HNF1B: variants seen among roughly 807,000 people sequenced by gnomAD.
The protein encoded by HNF1B is HNF1 homeobox B, also known as hepatocyte nuclear factor 1-beta.
Under a neutral mutation model 61.7 loss-of-function variants are expected in HNF1B, and 8 were observed. That is an observed-to-expected ratio of 0.13 (90% confidence interval 0.08 to 0.23). The LOEUF (loss-of-function observed/expected upper bound fraction) is 0.23, where lower values mean the gene tolerates loss of function less well. Among genes scored for constraint, HNF1B ranks in the 10% least tolerant of loss-of-function variants. The pLI, the probability that HNF1B is intolerant of heterozygous loss-of-function variation, is 1.00. For missense variants in HNF1B, 562 were observed against 714.5 expected (o/e 0.79, Z 2.43); for synonymous variants, 314 against 287.7 (o/e 1.09, Z -0.93).
intron 4 of HNF1B, chr17:37,720,706 G>T: frequency 1.3e-6 from 1 of 798,112 alleles, no homozygotes; most frequent in Non-Finnish European, 1.5e-6. Context: ...CAGGGCTATG[G>T]GCTGGAGACA....
At chr17:37,711,240 G>A (rs1006890095) in intron 4 of HNF1B, among the ~76,000 whole-genome samples, 4 of 152,292 alleles carry the variant, frequency 2.6e-5, no homozygotes, top group South Asian at 4.1e-4. Flanking sequence ...TCAGGGGCAC[G>A]GACACAGGCA....
At chr17:37,727,998 G>GT (rs911665665) in intron 4 of HNF1B, among the ~76,000 whole-genome samples, 117 of 148,460 alleles carry the variant, frequency 7.9e-4, no homozygotes, top group African/African-American at 1.3e-3. Context: ...TTTTTTTGTT[G>GT]TTTTTTTTTT....
intron 8 of HNF1B, among the ~76,000 whole-genome samples, chr17:37,691,520 C>T (rs2032203723): frequency 1.3e-5 from 2 of 152,154 alleles, no homozygotes; most frequent in African/African-American, 4.8e-5. Context: ...AAACTCAGAG[C>T]CGCTCAGGGG....
At chr17:37,719,273 G>C (rs771668799) in intron 4 of HNF1B, among the ~76,000 whole-genome samples, 11 of 152,016 alleles carry the variant, frequency 7.2e-5, no homozygotes, top group Non-Finnish European at 1.5e-4. Flanking sequence ...TTTTTAAGGA[G>C]GAAGAAAGAG....
At position 37,744,843 on chromosome 17, in the gene HNF1B, G is replaced by C; in HGVS notation, c.42C>G (p.Ser14Arg). 6.2e-7 allele frequency: 1 copy of C among 1,612,342 alleles called. No homozygotes were observed. Among genetic ancestry groups the C allele is most frequent in the Non-Finnish European group, 8.5e-7 (1 of 1,179,840 alleles). ...TGGTGACCCCGGAGCTCAGCAGGGCGCTCAGGAGTTCTTGCTGGAGCGACG... is the reference window on the plus strand; with the variant it reads ...TGGTGACCCCGGAGCTCAGCAGGGCCCTCAGGAGTTCTTGCTGGAGCGACG... ...KLTSLQQELL[S>R]ALLSSGVTKE... The change falls in exon 1 of 9, where the codon AGC becomes AGG. Residue 14 changes from serine to arginine, a missense_variant. Ser to Arg is a moderately radical substitution (Grantham distance 110). Coordinates refer to ENST00000617811, the MANE Select transcript of HNF1B (RefSeq NM_000458.4).
At chr17:37,698,696 G>A (rs956954065) in intron 8 of HNF1B, among the ~76,000 whole-genome samples, 3 of 152,116 alleles carry the variant, frequency 2.0e-5, no homozygotes, top group Admixed American at 2.0e-4. Context: ...GATCCCTCTT[G>A]CAAAGCATGA....
chr17:37,710,314 C>T (rs917533846), intron 5 of HNF1B, among the ~76,000 whole-genome samples, 189 bp downstream of exon 5: 4 of 152,174 alleles, frequency 2.6e-5, no homozygotes, highest in Admixed American at 6.5e-5. Flanking sequence ...GGGTTCAAAC[C>T]GAACACCTCT....
chr17:37,739,892 A>T (rs1377502609), intron 1 of HNF1B, among the ~76,000 whole-genome samples: 1 of 152,152 alleles, frequency 6.6e-6, no homozygotes, highest in Admixed American at 6.6e-5. Flanking sequence ...TCAGGAATAA[A>T]AAAGCACCAC....
intron 2 of HNF1B, 48 bp downstream of exon 2, chr17:37,739,392 G>A (rs185022936): frequency 3.8e-6 from 6 of 1,570,880 alleles, no homozygotes; most frequent in East Asian, 2.2e-5. Flanking sequence ...GGGGTGAGAG[G>A]GCAAAGGTCA....
chr17:37,709,423 T>C (rs1400092562), intron 5 of HNF1B, among the ~76,000 whole-genome samples: 1 of 150,220 alleles, frequency 6.7e-6, no homozygotes, highest in Non-Finnish European at 1.5e-5. Flanking sequence ...CTAATTTTTG[T>C]ATTTTTTTTT....
intron 8 of HNF1B, among the ~76,000 whole-genome samples, chr17:37,697,054 G>A (rs910037743): frequency 3.3e-5 from 5 of 152,202 alleles, no homozygotes; most frequent in African/African-American, 1.2e-4. Context: ...AAAGATGGTA[G>A]TGGAAGGCAA....
intron 3 of HNF1B, among the ~76,000 whole-genome samples, chr17:37,732,550 C>T (rs1339236377): frequency 1.3e-5 from 2 of 152,190 alleles, no homozygotes; most frequent in East Asian, 3.8e-4. Flanking sequence ...CCAGCCCAGC[C>T]CAGAGACAGA....
At chr17:37,704,721 C>A (rs1391687587) in intron 6 of HNF1B, among the ~76,000 whole-genome samples, 196 bp downstream of exon 6, 1 of 152,180 alleles carries the variant, frequency 6.6e-6, no homozygotes, top group Non-Finnish European at 1.5e-5. Context: ...ATCCATTCCA[C>A]AATTTTCTCT....
rs1206417995 is a variant in HNF1B at position 37,739,493 on chromosome 17, T to C, written c.491A>G (p.Lys164Arg). The C allele has an allele frequency of 1.2e-6, 2 of 1,614,100 alleles. No individual in the cohort carries two copies. Among genetic ancestry groups the C allele is most frequent in the South Asian group, 2.2e-5 (2 of 91,078 alleles). The change falls in exon 2 of 9, where the codon AAG (lysine) becomes AGG (arginine). Residue 164 changes from lysine (K) to arginine (R), a missense_variant. Transcript: ENST00000617811. ...GTACCAGGTGTACAGAGCGGCACGC[T>C]TCTGGGTCTTCATAGGGGTGCCCTT... ...LNKGTPMKTQ[K>R]RAALYTWYVR...
rs200266653 is a variant in HNF1B at position 37,718,121 on chromosome 17, T to TA, written c.1046-7459dup. 3.6e-3 allele frequency among the ~76,000 whole-genome samples: 532 copies of TA among 149,304 alleles called. 2 individuals carry two copies. Among genetic ancestry groups the TA allele is most frequent in the African/African-American group, 0.012 (476 of 40,702 alleles). On this transcript the variant is annotated intron_variant, in intron 4 of 8. Transcript: ENST00000617811. ...AAGCCCACAAACTGGTTTTCTTATT[T>TA]AAAAAAAAAATCAAAGCAAATGTAA...
chr17:37,690,605 C>G (rs901220903), intron 8 of HNF1B, among the ~76,000 whole-genome samples: 1 of 152,064 alleles, frequency 6.6e-6, no homozygotes, highest in Non-Finnish European at 1.5e-5. Context: ...TTCTGAGGGT[C>G]CCCTAGTAGA....
intron 4 of HNF1B, among the ~76,000 whole-genome samples, chr17:37,728,450 G>A (rs2033578373): frequency 6.6e-6 from 1 of 152,036 alleles, no homozygotes; most frequent in East Asian, 1.9e-4. Flanking sequence ...GGGACTACAG[G>A]CACCCGCCAC....
rs1028869987 is a variant in HNF1B at position 37,736,444 on chromosome 17, T to A, written c.545-2623A>T. On this transcript the variant is annotated intron_variant, in intron 2 of 8. Coordinates refer to ENST00000617811, the MANE Select transcript of HNF1B (RefSeq NM_000458.4). ...ATGTGAGAAGTACAGCCACCTCCAT[T>A]TTACAGATGAAGAAACTGAGGTTCA... Among the ~76,000 whole-genome samples, 3 of 152,162 alleles carry A rather than the reference T, an allele frequency of 2.0e-5. No individual in the cohort carries two copies. In the South Asian group the frequency reaches 6.2e-4, roughly 31 times the overall value.
intron 5 of HNF1B, among the ~76,000 whole-genome samples, chr17:37,707,117 AT>A (rs3049485): frequency 0.24 from 33,812 of 143,686 alleles, 3,863 homozygotes; most frequent in East Asian, 0.41. Context: ...ATTATTTTTA[AT>A]TTTTTTTTTT....
Sources: gnomAD v4.1 joint callset for allele counts (sites outside exome capture counted in the v4.1 genomes callset) on GRCh38, gnomAD v4.1.1 for gene constraint, MANE v1.5 for transcripts, NCBI Gene and HGNC (gene_info 2026-07-23, HGNC 2026-07-21) for gene names.